PLXDC2: variants seen among roughly 807,000 people sequenced by gnomAD.
The protein encoded by PLXDC2 is plexin domain-containing protein 2.
In PLXDC2, 40 loss-of-function variants were observed where a neutral mutation model predicts 68.9. The ratio of observed to expected loss-of-function variants is 0.58; its 90% CI spans 0.45 to 0.76. PLXDC2 has a LOEUF of 0.76. Among genes scored for constraint, PLXDC2 ranks in the 30% least tolerant of loss-of-function variants. The pLI is 0.00. For missense variants in PLXDC2, 644 were observed against 661.9 expected (o/e 0.97, Z 0.30); for synonymous variants, 243 against 234.2 (o/e 1.04, Z -0.34).
At position 20,022,047 on chromosome 10, in the gene PLXDC2, C is replaced by G. The variant is rs907478485; in HGVS notation, c.324+20061C>G. On this transcript the variant is annotated intron_variant, in intron 2 of 13. Coordinates refer to ENST00000377252, the MANE Select transcript of PLXDC2 (RefSeq NM_032812.9). ...TTAAAATGTTGAACTTTCAATTGTA[C>G]TCAGCAAGAATGCATCACGGAACTG... is the stretch of plus-strand genomic sequence containing the variant. Among the ~76,000 whole-genome samples the G allele has an allele frequency of 1.3e-4, 20 of 152,204 alleles. 1 individual carries two copies.
chr10:20,096,609 AAG>A (rs1327933579), intron 4 of PLXDC2, among the ~76,000 whole-genome samples: 3 of 152,140 alleles, frequency 2.0e-5, no homozygotes, highest in South Asian at 4.1e-4. Context: ...TCTCAAAACA[AAG>A]AGAGACACCA....
intron 3 of PLXDC2, among the ~76,000 whole-genome samples, chr10:20,053,330 A>C (rs960013281): frequency 6.6e-6 from 1 of 152,134 alleles, no homozygotes; most frequent in African/African-American, 2.4e-5. Flanking sequence ...TTTGCAGTTG[A>C]CAAATTAAGG....
intron 12 of PLXDC2, among the ~76,000 whole-genome samples, chr10:20,235,308 A>G (rs1564362463): frequency 6.6e-6 from 1 of 152,162 alleles, no homozygotes; most frequent in Non-Finnish European, 1.5e-5. Context: ...TGCAGCCATG[A>G]TTGAGAAGAA....
intron 13 of PLXDC2, among the ~76,000 whole-genome samples, chr10:20,253,370 G>GATAATAATGATA (rs1835703861): frequency 6.9e-6 from 1 of 145,576 alleles, no homozygotes. Context: ...GTCTCAAAAT[G>GATAATAATGATA]ATAATAATAA....
intron 1 of PLXDC2, among the ~76,000 whole-genome samples, chr10:19,996,530 G>A (rs1317901614): frequency 6.6e-6 from 1 of 152,210 alleles, no homozygotes; most frequent in African/African-American, 2.4e-5. Context: ...AGGCTGTAGT[G>A]AGCTATGATC....
intron 2 of PLXDC2, among the ~76,000 whole-genome samples, chr10:20,018,953 GA>G (rs1261924900): frequency 2.0e-5 from 3 of 151,802 alleles, no homozygotes; most frequent in East Asian, 1.9e-4. Context: ...ATTTGAAGGG[GA>G]AAAAAAAGAA....
intron 1 of PLXDC2, among the ~76,000 whole-genome samples, chr10:19,989,824 A>G (rs990368603): frequency 6.7e-6 from 1 of 148,166 alleles, no homozygotes; most frequent in Non-Finnish European, 1.5e-5. Flanking sequence ...ATCTTGACTC[A>G]CTGCAACCTC....
chr10:20,270,706 T>C (rs1835927111), intron 13 of PLXDC2, among the ~76,000 whole-genome samples: 1 of 151,946 alleles, frequency 6.6e-6, no homozygotes, highest in Non-Finnish European at 1.5e-5. Context: ...CACCACACCC[T>C]GCTAATTTTT....
chr10:20,264,185 G>A (rs908957846), intron 13 of PLXDC2, among the ~76,000 whole-genome samples: 1 of 152,168 alleles, frequency 6.6e-6, no homozygotes, highest in Admixed American at 6.5e-5. Context: ...GAAGCTGGAG[G>A]CTATCATCCT....
chr10:20,044,860 C>A (rs1835769006), intron 2 of PLXDC2, among the ~76,000 whole-genome samples: 1 of 152,152 alleles, frequency 6.6e-6, no homozygotes, highest in African/African-American at 2.4e-5. Flanking sequence ...TGCCCAATGT[C>A]AAGGAAGGTT....
At chr10:19,880,181 G>A (rs1837702143) in intron 1 of PLXDC2, among the ~76,000 whole-genome samples, 1 of 152,130 alleles carries the variant, frequency 6.6e-6, no homozygotes, top group Non-Finnish European at 1.5e-5. Context: ...GAGTTGAATA[G>A]TGATACTTAA....
intron 4 of PLXDC2, among the ~76,000 whole-genome samples, chr10:20,092,363 C>CCT (rs1368652394): frequency 6.6e-6 from 1 of 152,128 alleles, no homozygotes; most frequent in Non-Finnish European, 1.5e-5. Flanking sequence ...ACTTTTCAAA[C>CCT]TAAGATTCCA....
chr10:20,064,094 T>C (rs1184164063), intron 3 of PLXDC2, among the ~76,000 whole-genome samples: 1 of 151,884 alleles, frequency 6.6e-6, no homozygotes, highest in Non-Finnish European at 1.5e-5. Context: ...TTATTGGGTC[T>C]TCCCACCACC....
chr10:20,145,126 C>T (rs1365999116), intron 5 of PLXDC2, among the ~76,000 whole-genome samples: 1 of 152,058 alleles, frequency 6.6e-6, no homozygotes, highest in Non-Finnish European at 1.5e-5. Context: ...AAAATAATTA[C>T]ATACGTAAAG....
At chr10:20,166,601 G>C (rs899441746) in intron 7 of PLXDC2, among the ~76,000 whole-genome samples, 1 of 151,868 alleles carries the variant, frequency 6.6e-6, no homozygotes, top group Non-Finnish European at 1.5e-5. Context: ...AGAAACACTA[G>C]CTTTAATTTA....
intron 12 of PLXDC2, among the ~76,000 whole-genome samples, chr10:20,219,766 A>T (rs1835186162): frequency 6.6e-6 from 1 of 152,152 alleles, no homozygotes; most frequent in Non-Finnish European, 1.5e-5. Context: ...AGAGATTTTC[A>T]TTAGTAATTG....
chr10:19,823,129 G>T (rs375684353), intron 1 of PLXDC2, among the ~76,000 whole-genome samples: 2 of 152,038 alleles, frequency 1.3e-5, no homozygotes, highest in African/African-American at 2.4e-5. Context: ...TGTTAGCCAG[G>T]ATGGTCTCGA....
intron 4 of PLXDC2, among the ~76,000 whole-genome samples, chr10:20,078,605 A>G (rs1162806079): frequency 2.0e-5 from 3 of 152,208 alleles, no homozygotes; most frequent in Admixed American, 1.3e-4. Flanking sequence ...ATACACAGCA[A>G]TGGAAGGAAG....
chr10:19,816,787 C>A lies in PLXDC2; in HGVS notation c.-293C>A. The A allele has an allele frequency of 2.0e-6, 1 of 489,172 alleles. No homozygotes were observed. Among genetic ancestry groups the A allele is most frequent in the Admixed American group, 3.8e-5 (1 of 25,978 alleles). The allele number at this position is 489,172 out of a possible 1,614,324, so 30.3% of individuals were successfully genotyped here. On this transcript the variant is annotated 5_prime_UTR_variant, in exon 1 of 14. Coordinates refer to ENST00000377252, the MANE Select transcript of PLXDC2 (RefSeq NM_032812.9). ...AGTGGAACCGACAGTTTGCGAGCCT[C>A]GGCTGCAAGTGGCCTCTCCTCCCCG...
Sources: allele counts gnomAD v4.1 joint callset (sites outside exome capture counted in the v4.1 genomes callset), GRCh38; gene constraint gnomAD v4.1.1; transcripts MANE v1.5; gene names NCBI Gene and HGNC (gene_info 2026-07-23, HGNC 2026-07-21).